Variants in DNM1L observed in about 807,000 individuals in gnomAD.
The protein encoded by DNM1L is dynamin 1L.
In DNM1L, 33 loss-of-function variants were observed where a neutral mutation model predicts 92.8. That is an observed-to-expected ratio of 0.36 (90% CI 0.27 to 0.48). The LOEUF (loss-of-function observed/expected upper bound fraction) is 0.48, where lower values mean the gene tolerates loss of function less well. Ranked by LOEUF, DNM1L falls within the 20% of genes least tolerant of loss-of-function variation. The pLI, the probability that DNM1L is intolerant of heterozygous loss-of-function variation, is 0.99. For missense variants in DNM1L, 485 were observed against 888.8 expected (o/e 0.55, Z 5.78); for synonymous variants, 284 against 305.0 (o/e 0.93, Z 0.72).
rs1028717596 is a variant in DNM1L, at chr12:32,706,554, A to G, written c.251-813A>G. 4.6e-5 allele frequency: 17 copies of G among 365,738 alleles called. 1 individual carries two copies. Among genetic ancestry groups the G allele is most frequent in the Middle Eastern group, 4.4e-4 (1 of 2,274 alleles). 22.7% of individuals were successfully genotyped at this position (365,738 alleles called of 1,614,324 possible). ...CTTCACACAGTGCAACAGTGAATCT[A>G]TTTTCCTTCTTTCAGCAAGTACAAG... On this transcript the variant is annotated intron_variant, in intron 2 of 19. Transcript: ENST00000549701.
intron 9 of DNM1L, chr12:32,727,430 T>C: frequency 1.4e-6 from 1 of 720,010 alleles, no homozygotes; most frequent in Non-Finnish European, 2.6e-6. Flanking sequence ...GCTGGAGCTG[T>C]GCAGGCAGTG....
At chr12:32,682,379 G>A (rs764568167) in intron 1 of DNM1L, among the ~76,000 whole-genome samples, 22 of 152,114 alleles carry the variant, frequency 1.4e-4, no homozygotes, top group African/African-American at 4.6e-4. Context: ...TGATCCACCC[G>A]TCTCGGCCTC....
intron 2 of DNM1L, among the ~76,000 whole-genome samples, chr12:32,702,945 T>G (rs961168758): frequency 2.0e-5 from 3 of 151,726 alleles, no homozygotes; most frequent in African/African-American, 7.3e-5. Flanking sequence ...CACCTTCAAA[T>G]ATATAGAATA....
In DNM1L at chr12:32,743,635, C is replaced by T. The variant is rs1955468306; in HGVS notation, c.*225C>T. The T allele has an allele frequency of 9.2e-6, 5 of 542,998 alleles. No homozygotes were observed. In the Admixed American group the frequency reaches 9.4e-5, roughly 10 times the overall value. The allele number at this position is 542,998 out of a possible 1,614,324, so 33.6% of individuals were successfully genotyped here. A position where few individuals can be genotyped will look rare whatever the true frequency, so the allele number is the denominator to read the frequency against. On this transcript the variant is annotated 3_prime_UTR_variant, in exon 20 of 20. Coordinates refer to ENST00000549701, the MANE Select transcript of DNM1L (RefSeq NM_012062.5). ...AAAGTTTCCCAGTATATATAAAATA[C>T]ATCAAGTCTGTCTTGTGACAGTTTC...
At chr12:32,702,275 T>C (rs1317057169) in intron 2 of DNM1L, among the ~76,000 whole-genome samples, 1 of 151,394 alleles carries the variant, frequency 6.6e-6, no homozygotes, top group Admixed American at 6.6e-5. Flanking sequence ...GGCATTGTCC[T>C]TTATAACCGT....
At chr12:32,738,378 G>A in intron 16 of DNM1L, 82 bp downstream of exon 16, 1 of 1,424,906 alleles carries the variant, frequency 7.0e-7, no homozygotes, top group Non-Finnish European at 9.9e-7. Context: ...TAAAGAACCT[G>A]TTTGTGTAGT....
intron 18 of DNM1L, 123 bp downstream of exon 18, chr12:32,740,641 C>A: frequency 1.1e-6 from 1 of 882,364 alleles, no homozygotes; most frequent in Non-Finnish European, 1.7e-6. Flanking sequence ...AGTGGATTTT[C>A]TGATAGTCCT....
At chr12:32,723,705 A>C (rs1354757481) in intron 9 of DNM1L, among the ~76,000 whole-genome samples, 1 of 150,932 alleles carries the variant, frequency 6.6e-6, no homozygotes, top group Non-Finnish European at 1.5e-5. Flanking sequence ...AAAAAAAAAA[A>C]AAAAAAAAAC....
At chr12:32,679,742 G>T (rs1298005717) in intron 1 of DNM1L, 5 of 1,125,970 alleles carry the variant, frequency 4.4e-6, no homozygotes, top group Non-Finnish European at 5.4e-6. Flanking sequence ...GACAGGAGAG[G>T]GAAGGATGGG....
chr12:32,724,589 AAAAAAT>A (rs1313250700), intron 9 of DNM1L, among the ~76,000 whole-genome samples: 3,506 of 79,916 alleles, frequency 0.044, 24 homozygotes, highest in Middle Eastern at 0.08. Context: ...AAAAAAAAAA[AAAAAAT>A]ATATATATAT....
intron 9 of DNM1L, chr12:32,722,868 ATTTAC>A (rs1323011701): frequency 5.7e-6 from 1 of 174,494 alleles, no homozygotes; most frequent in Non-Finnish European, 1.2e-5. Flanking sequence ...TTTTATAAGT[ATTTAC>A]TTATTTTTAT....
rs1203508153 is a variant in DNM1L at position 32,732,393 on chromosome 12, G to A, written c.1446+450G>A. On this transcript the variant is annotated intron_variant, in intron 12 of 19. Transcript: ENST00000549701. The stretch of plus-strand genomic sequence containing the variant: ...AATAACTATAATATCGTAGTTGCTT[G>A]CTACTATTCTGTGGGTTGCTGCTAT... The A allele has an allele frequency of 7.5e-6, 3 of 401,374 alleles. No individual in the cohort carries two copies. In the East Asian group the frequency reaches 2.1e-4, roughly 28 times the overall value. The allele number at this position is 401,374 out of a possible 1,614,324, so 24.9% of individuals were successfully genotyped here.
In DNM1L at chr12:32,691,191, C is replaced by A. The variant is rs148854137; in HGVS notation, c.103-10224C>A. Reference sequence around the variant, plus strand: ...CCGTGGTGTCTCTGTGTCTAAATTTCCTCTTCTTGTAAGAATGTCAGTCAG... The same window carrying A: ...CCGTGGTGTCTCTGTGTCTAAATTTACTCTTCTTGTAAGAATGTCAGTCAG... On this transcript the variant is annotated intron_variant, in intron 1 of 19. Transcript: ENST00000549701. 3.1e-3 allele frequency among the ~76,000 whole-genome samples: 476 copies of A among 152,174 alleles called. 1 individual carries two copies. Among genetic ancestry groups the A allele is most frequent in the Non-Finnish European group, 4.7e-3 (320 of 68,012 alleles).
At chr12:32,700,146 A>C (rs1952642203) in intron 1 of DNM1L, among the ~76,000 whole-genome samples, 1 of 151,884 alleles carries the variant, frequency 6.6e-6, no homozygotes, top group African/African-American at 2.4e-5. Flanking sequence ...TTTGAGAAGG[A>C]GTCTTGCTCT....
At position 32,738,315 on chromosome 12, in the gene DNM1L, AATGGAAATGTTGGTACCT is replaced by A; in HGVS notation, c.1707+20_1707+37del. The A allele has an allele frequency of 6.2e-7, 1 of 1,613,498 alleles. No individual in the cohort carries two copies. Among genetic ancestry groups the A allele is most frequent in the South Asian group, 1.1e-5 (1 of 91,054 alleles). ...TAAAAATGTGAGTCTCTTGCTTCAG[AATGGAAATGTTGGTACCT>A]TTGGTTCTCACTGAAACACTGTCTA... On this transcript the variant is annotated intron_variant, in intron 16 of 19. Transcript: ENST00000549701.
chr12:32,733,040 C>T (rs1200549732), intron 12 of DNM1L, among the ~76,000 whole-genome samples: 1 of 152,166 alleles, frequency 6.6e-6, no homozygotes, highest in East Asian at 1.9e-4. Context: ...GTGGAGGCTG[C>T]GGTGAGCCGA....
chr12:32,694,818 A>G (rs1376526962), intron 1 of DNM1L, among the ~76,000 whole-genome samples: 1 of 152,176 alleles, frequency 6.6e-6, no homozygotes, highest in Non-Finnish European at 1.5e-5. Flanking sequence ...GGAACTTCTG[A>G]TGGAGCGGAG....
intron 6 of DNM1L, among the ~76,000 whole-genome samples, chr12:32,715,407 A>G (rs942101303): frequency 1.3e-5 from 2 of 152,116 alleles, no homozygotes; most frequent in African/African-American, 4.8e-5. Context: ...ATAATTAAAA[A>G]GGATGATTTT....
chr12:32,716,627 T>C (rs1953381663), intron 6 of DNM1L, among the ~76,000 whole-genome samples: 1 of 151,656 alleles, frequency 6.6e-6, no homozygotes, highest in Admixed American at 6.6e-5. Flanking sequence ...ATGTAAATTT[T>C]ATACAGATTT....
Sources: gnomAD v4.1 joint callset for allele counts (sites outside exome capture counted in the v4.1 genomes callset) on GRCh38, gnomAD v4.1.1 for gene constraint, MANE v1.5 for transcripts, NCBI Gene and HGNC (gene_info 2026-07-23, HGNC 2026-07-21) for gene names.